Variants in LRTM3 observed in about 807,000 individuals in gnomAD.
The protein encoded by LRTM3 is leucine-rich repeat transmembrane protein 3.
At chr13:102,730,989 T>G in the LRTM3 span, 2 of 1,551,076 alleles carry the variant, frequency 1.3e-6, no homozygotes, top group Non-Finnish European at 1.7e-6. Context: ...TAAGATTCTC[T>G]TACAATTCTG....
chr13:102,744,053 G>A, the LRTM3 span: 1 of 1,550,442 alleles, frequency 6.4e-7, no homozygotes. Context: ...TTTGGATGTT[G>A]TACTCTTAGC....
the LRTM3 span, chr13:102,746,370 A>G: frequency 3.2e-6 from 5 of 1,550,854 alleles, no homozygotes; most frequent in Non-Finnish European, 4.4e-6. Flanking sequence ...ACATCAGTGT[A>G]TGTCTTATCT....
the LRTM3 span, chr13:102,736,145 C>T: frequency 2.6e-6 from 4 of 1,543,826 alleles, no homozygotes; most frequent in Non-Finnish European, 3.5e-6. Context: ...TTTTCCTGCA[C>T]CTGATGATAT....
chr13:102,758,764 C>T, the LRTM3 span: 2 of 1,550,992 alleles, frequency 1.3e-6, no homozygotes, highest in Non-Finnish European at 1.7e-6. Flanking sequence ...GATGCACAAG[C>T]TTTCATGAGT....
chr13:102,734,322 C>T, the LRTM3 span: 5 of 1,551,362 alleles, frequency 3.2e-6, no homozygotes, highest in South Asian at 5.9e-5. Context: ...AGTGGAAGTA[C>T]AAAGGATGTC....
the LRTM3 span, chr13:102,740,390 C>T: frequency 2.4e-5 from 37 of 1,549,984 alleles, no homozygotes; most frequent in East Asian, 4.9e-5. Context: ...TCCTGGTGTC[C>T]GGCTTGATAA....
the LRTM3 span, chr13:102,732,015 T>G: frequency 6.4e-7 from 1 of 1,551,412 alleles, no homozygotes; most frequent in Admixed American, 2.0e-5. Context: ...CTTCTGAGGT[T>G]TGCTTCTGAT....
chr13:102,733,153 C>T, the LRTM3 span: 19 of 1,551,438 alleles, frequency 1.2e-5, no homozygotes, highest in Middle Eastern at 8.3e-4. Context: ...GGATAGTGTT[C>T]GTCCTGGTCT....
At chr13:102,731,624 A>G in the LRTM3 span, 4 of 1,551,368 alleles carry the variant, frequency 2.6e-6, no homozygotes, top group Non-Finnish European at 3.5e-6. Flanking sequence ...GTCTTGGATC[A>G]TATTTTTAAC....
At chr13:102,744,673 A>G in the LRTM3 span, 11 of 1,550,686 alleles carry the variant, frequency 7.1e-6, no homozygotes, top group Non-Finnish European at 9.6e-6. Context: ...TTTGATGTGT[A>G]CTGAAACGGA....
At chr13:102,751,164 A>G in the LRTM3 span, among the ~76,000 whole-genome samples, 3 of 152,100 alleles carry the variant, frequency 2.0e-5, no homozygotes, top group South Asian at 2.1e-4. Flanking sequence ...GCATGATCCA[A>G]TCAGTTAAAG....
the LRTM3 span, chr13:102,730,618 G>A: frequency 6.4e-7 from 1 of 1,552,064 alleles, no homozygotes; most frequent in East Asian, 2.4e-5. Context: ...TTGGCTGTGG[G>A]AATTTTCTGA....
the LRTM3 span, chr13:102,731,297 T>C: frequency 1.3e-6 from 2 of 1,551,184 alleles, no homozygotes; most frequent in African/African-American, 2.7e-5. Flanking sequence ...AGACATAAAG[T>C]TCATTGTTTT....
the LRTM3 span, chr13:102,731,904 C>T: frequency 1.2e-5 from 19 of 1,549,134 alleles, no homozygotes; most frequent in Admixed American, 5.9e-5. Context: ...TCTTCCTGCT[C>T]GATGATACGT....
the LRTM3 span, chr13:102,743,348 T>G: frequency 6.4e-7 from 1 of 1,550,584 alleles, no homozygotes; most frequent in Admixed American, 2.0e-5. Context: ...GTCAGAGGAA[T>G]CTGGAGTGAA....
the LRTM3 span, chr13:102,744,527 C>G: frequency 6.4e-7 from 1 of 1,550,488 alleles, no homozygotes; most frequent in Non-Finnish European, 8.7e-7. Flanking sequence ...CATCATGTAT[C>G]CAGAAATAGG....
the LRTM3 span, chr13:102,740,785 T>G: frequency 6.5e-7 from 1 of 1,549,322 alleles, no homozygotes. Context: ...GCAAGCCAAT[T>G]CCTTTTGTAT....
At chr13:102,741,667 A>G in the LRTM3 span, 1 of 1,550,450 alleles carries the variant, frequency 6.4e-7, no homozygotes, top group Non-Finnish European at 8.7e-7. Flanking sequence ...TCTGTTGAGA[A>G]GTATCCAACT....
At chr13:102,757,136 C>T in the LRTM3 span, among the ~76,000 whole-genome samples, 1 of 152,202 alleles carries the variant, frequency 6.6e-6, no homozygotes, top group Non-Finnish European at 1.5e-5. Flanking sequence ...GATTGCACTA[C>T]TGACATGCTG....
Sources: allele counts gnomAD v4.1 joint callset (sites outside exome capture counted in the v4.1 genomes callset), GRCh38; gene constraint gnomAD v4.1.1; transcripts MANE v1.5; gene names NCBI Gene and HGNC (gene_info 2026-07-23, HGNC 2026-07-21).